Variants in DMD observed in about 807,000 individuals in gnomAD.
DMD encodes the protein dystrophin.
In DMD, 63 loss-of-function variants were observed where a neutral mutation model predicts 330.1. The observed-to-expected ratio is 0.19, with a 90% CI of 0.16 to 0.24. DMD has a LOEUF of 0.24. DMD is among the 10% of genes least tolerant of loss of function. The pLI is 1.00. For missense variants in DMD, 3,344 were observed against 2,684.1 expected (o/e 1.25, Z -5.43); for synonymous variants, 1,223 against 959.8 (o/e 1.27, Z -5.07).
intron 2 of DMD, among the ~76,000 whole-genome samples, chrX:33,019,190 T>G (rs967419805): frequency 2.7e-5 from 3 of 111,649 alleles, no homozygotes; most frequent in Non-Finnish European, 5.7e-5. Flanking sequence ...AGGGAGTAAT[T>G]CATAGCTATT....
intron 50 of DMD, among the ~76,000 whole-genome samples, chrX:31,814,248 G>A (rs1043979811): frequency 1.8e-5 from 2 of 108,877 alleles, no homozygotes; most frequent in African/African-American, 3.4e-5. Flanking sequence ...TTGGAAGGCC[G>A]AGGCGGGCGG....
At chrX:32,649,274 G>A (rs2059976087) in intron 9 of DMD, among the ~76,000 whole-genome samples, 1 of 110,477 alleles carries the variant, frequency 9.1e-6, no homozygotes, top group East Asian at 2.8e-4. Flanking sequence ...GGTGGAAGAG[G>A]CCGGGTGCGG....
Position 31,394,921 on chromosome X carries a change from T to C in DMD, c.9085-46287A>G, listed in dbSNP as rs182581466. Among the ~76,000 whole-genome samples the C allele has an allele frequency of 7.0e-3, 348 of 49,528 alleles. 7 individuals carry two copies. Among genetic ancestry groups the C allele is most frequent in the Non-Finnish European group, 6.6e-3 (174 of 26,328 alleles). 43.0% of individuals were successfully genotyped at this position (49,528 alleles called of 115,157 possible). On this transcript the variant is annotated intron_variant, in intron 60 of 78. Transcript: ENST00000357033. ...TTTTGCAGCTTTAGTTTCATTACTA[T>C]GAGAGAGAGAGAAGGGTGAGAGAGA...
intron 45 of DMD, among the ~76,000 whole-genome samples, chrX:31,960,672 C>T (rs2095294446): frequency 8.9e-6 from 1 of 112,163 alleles, no homozygotes. Context: ...TATCTCCACA[C>T]AGTGGTATCA....
rs1301792624 is a variant in DMD, at chrX:31,121,198, T to TTATC, written c.*717_*720dup. ...TCAGTCTATAGAAATTCGTATCTCT[T>TTATC]TATCTATATAACTATAGTATTTATA... On this transcript the variant is annotated 3_prime_UTR_variant, in exon 79 of 79. Coordinates refer to ENST00000357033, the MANE Select transcript of DMD (RefSeq NM_004006.3). 8.9e-6 allele frequency: 1 copy of TTATC among 111,801 alleles called. No homozygotes were observed. Among genetic ancestry groups the TTATC allele is most frequent in the Non-Finnish European group, 1.9e-5 (1 of 53,147 alleles). The allele number at this position is 111,801 out of a possible 1,213,427, so 9.2% of individuals were successfully genotyped here.
chrX:33,249,060 A>G (rs985910736), intron 1 of DMD, among the ~76,000 whole-genome samples: 2 of 112,991 alleles, frequency 1.8e-5, no homozygotes, highest in Non-Finnish European at 3.7e-5. Context: ...ATTGACAGAA[A>G]TTTGTATGTA....
chrX:32,396,255 ATAGT>A (rs2098043292), intron 30 of DMD, among the ~76,000 whole-genome samples: 1 of 111,558 alleles, frequency 9.0e-6, no homozygotes, highest in Non-Finnish European at 1.9e-5. Flanking sequence ...TTTCCATTAA[ATAGT>A]TAGAAAAACT....
intron 1 of DMD, among the ~76,000 whole-genome samples, chrX:33,283,983 A>G (rs1164205904): frequency 9.0e-6 from 1 of 111,135 alleles, no homozygotes; most frequent in Non-Finnish European, 1.9e-5. Flanking sequence ...GCGCCACTGC[A>G]CTCCAGCCTG....
chrX:31,605,581 C>T (rs1389426184), intron 55 of DMD, among the ~76,000 whole-genome samples: 2 of 111,628 alleles, frequency 1.8e-5, no homozygotes, highest in Non-Finnish European at 3.8e-5. Flanking sequence ...GAATAATTTG[C>T]TAAGCTTTAG....
chrX:32,893,346 C>G (rs1245596065), intron 2 of DMD, among the ~76,000 whole-genome samples: 2 of 111,949 alleles, frequency 1.8e-5, no homozygotes, highest in East Asian at 5.7e-4. Flanking sequence ...ATACCAGTTT[C>G]CAGCTGTGTC....
chrX:32,780,868 G>A (rs1194444172), intron 7 of DMD, among the ~76,000 whole-genome samples: 1 of 108,980 alleles, frequency 9.2e-6, no homozygotes, highest in Admixed American at 9.9e-5. Flanking sequence ...GAGGCGGGCA[G>A]ATCACGAGGT....
rs144378177 is a variant in DMD, at chrX:32,836,118, G to A, written c.264+8665C>T. 6.7e-3 allele frequency among the ~76,000 whole-genome samples: 736 copies of A among 109,169 alleles called. 7 individuals are homozygous for A. The highest frequency in any genetic ancestry group is 0.023 in the African/African-American group (700 of 29,926). The allele number at this position is 109,169 out of a possible 115,157, so 94.8% of individuals were successfully genotyped here. ...ATGATCACCTCTCAGTGCAACCTCCGCCTCATGGGTTCAAGTGATTCTCAT... is the reference window on the plus strand; with the variant it reads ...ATGATCACCTCTCAGTGCAACCTCCACCTCATGGGTTCAAGTGATTCTCAT... On this transcript the variant is annotated intron_variant, in intron 4 of 78. Transcript: ENST00000357033.
intron 62 of DMD, among the ~76,000 whole-genome samples, chrX:31,295,983 C>CTTTTTTTTTTTTTTTTTTTT (rs150166970): frequency 1.1e-5 from 1 of 92,915 alleles, no homozygotes. Context: ...CAAAAAGTGA[C>CTTTTTTTTTTTTTTTTTTTT]TTTTTTTTTT....
chrX:32,389,468 G>T (rs202118041), intron 32 of DMD, 33 bp downstream of exon 32: 4 of 1,196,032 alleles, frequency 3.3e-6, no homozygotes, highest in Non-Finnish European at 4.5e-6. Context: ...AAAGTCAAGG[G>T]GTACCTGCGT....
At chrX:32,892,236 C>G (rs1270549348) in intron 2 of DMD, among the ~76,000 whole-genome samples, 3 of 112,130 alleles carry the variant, frequency 2.7e-5, no homozygotes, top group African/African-American at 9.7e-5. Flanking sequence ...AGACAAAACT[C>G]AGACACTTCC....
chrX:32,162,590 C>CTTTTTT (rs3040088), intron 44 of DMD, among the ~76,000 whole-genome samples: 2 of 43,241 alleles, frequency 4.6e-5, no homozygotes, highest in Non-Finnish European at 3.9e-5. Flanking sequence ...AAGCAACAAG[C>CTTTTTT]TTTTTTTTTT....
At chrX:31,713,367 T>TC (rs1299622413) in intron 52 of DMD, among the ~76,000 whole-genome samples, 1 of 111,931 alleles carries the variant, frequency 8.9e-6, no homozygotes, top group Non-Finnish European at 1.9e-5. Context: ...CAAGACACAG[T>TC]CCCTGCTCTC....
At chrX:32,505,099 C>A (rs1455368969) in intron 18 of DMD, among the ~76,000 whole-genome samples, 5 of 110,835 alleles carry the variant, frequency 4.5e-5, no homozygotes, top group African/African-American at 1.3e-4. Context: ...ACAGAGGTGA[C>A]TTTGAGTTTG....
intron 2 of DMD, among the ~76,000 whole-genome samples, chrX:32,889,645 C>G (rs2084997118): frequency 9.0e-6 from 1 of 111,155 alleles, no homozygotes; most frequent in African/African-American, 3.3e-5. Context: ...CTCCCCCACC[C>G]TTAAGAAGGT....
Sources: gnomAD v4.1 joint callset for allele counts (sites outside exome capture counted in the v4.1 genomes callset) on GRCh38, gnomAD v4.1.1 for gene constraint, MANE v1.5 for transcripts, NCBI Gene and HGNC (gene_info 2026-07-23, HGNC 2026-07-21) for gene names.